Variants in KLF8 observed in about 807,000 individuals in gnomAD.
KLF8 encodes Krueppel-like factor 8.
A neutral mutation model predicts 18.2 loss-of-function variants in KLF8; 10 were observed. That is an observed-to-expected ratio of 0.55 (90% CI 0.34 to 0.93). The LOEUF (loss-of-function observed/expected upper bound fraction) is 0.93. KLF8 is among the 40% of genes least tolerant of loss of function. The probability of loss-of-function intolerance (pLI) is 0.02; values close to 1 mark genes in which losing one functional copy is unlikely to be tolerated. For missense variants in KLF8, 264 were observed against 277.9 expected, an observed-to-expected ratio of 0.95 and a Z score of 0.36; for synonymous variants, 109 against 97.3, an observed-to-expected ratio of 1.12 and a Z score of -0.71.
the KLF8 span, chrX:55,908,216 C>A: frequency 4.4e-6 from 1 of 225,979 alleles, no homozygotes; most frequent in Admixed American, 7.1e-5. Flanking sequence ...GCCCAGTATT[C>A]AAGCTCCAGG....
chrX:56,096,954 A>G, the KLF8 span, among the ~76,000 whole-genome samples: 1 of 111,516 alleles, frequency 9.0e-6, no homozygotes, highest in Admixed American at 9.6e-5. Flanking sequence ...TAAATTTTGT[A>G]AACTAGATAA....
the KLF8 span, among the ~76,000 whole-genome samples, chrX:56,106,305 G>A: frequency 8.9e-6 from 1 of 111,971 alleles, no homozygotes; most frequent in African/African-American, 3.2e-5. Context: ...ATATTCTGAA[G>A]AGTGTTTTCC....
chrX:56,180,888 G>T, the KLF8 span, among the ~76,000 whole-genome samples: 1 of 111,754 alleles, frequency 8.9e-6, no homozygotes, highest in South Asian at 3.7e-4. Flanking sequence ...CCAACTATGT[G>T]GTCAATTTTG....
chrX:56,152,649 G>A, the KLF8 span, among the ~76,000 whole-genome samples: 2 of 111,342 alleles, frequency 1.8e-5, no homozygotes, highest in Admixed American at 1.9e-4. Context: ...TTGGGTGGGG[G>A]TGAAGGTAGA....
chrX:56,155,516 A>G, the KLF8 span, among the ~76,000 whole-genome samples: 2 of 110,857 alleles, frequency 1.8e-5, no homozygotes, highest in Non-Finnish European at 3.8e-5. Flanking sequence ...ATGACGAGTT[A>G]ATGGGTGCAC....
the KLF8 span, among the ~76,000 whole-genome samples, chrX:56,104,429 C>T: frequency 9.0e-6 from 1 of 111,360 alleles, no homozygotes; most frequent in African/African-American, 3.3e-5. Context: ...CAGCTTCTTC[C>T]TGGTTTAGTC....
At chrX:56,181,277 G>A in the KLF8 span, among the ~76,000 whole-genome samples, 3 of 110,188 alleles carry the variant, frequency 2.7e-5, no homozygotes, top group South Asian at 1.2e-3. Context: ...CAGACACTAG[G>A]ATTGCAAGCC....
At chrX:56,227,841 T>C (rs979744096), upstream of KLF8, among the ~76,000 whole-genome samples, 2 of 103,548 alleles carry the variant, frequency 1.9e-5, no homozygotes, top group Admixed American at 2.1e-4. Flanking sequence ...AAAATGGAGT[T>C]AAAAACCCAT....
chrX:56,267,362 C>T (rs1326335314), intron 3 of KLF8: 2 of 170,136 alleles, frequency 1.2e-5, no homozygotes, highest in African/African-American at 3.1e-5. Context: ...GCACTTCTTA[C>T]ATGGTGGCAG....
At chrX:55,995,457 A>G in the KLF8 span, among the ~76,000 whole-genome samples, 3 of 112,307 alleles carry the variant, frequency 2.7e-5, no homozygotes, top group Middle Eastern at 4.6e-3. Context: ...ACTTGATTGT[A>G]TAGATGCTTT....
the KLF8 span, among the ~76,000 whole-genome samples, chrX:55,941,266 G>C: frequency 1.8e-5 from 2 of 111,960 alleles, no homozygotes; most frequent in African/African-American, 3.2e-5. Context: ...ACAAGTAATG[G>C]GGAAAGGATT....
the KLF8 span, among the ~76,000 whole-genome samples, chrX:56,217,551 A>T: frequency 9.1e-6 from 1 of 110,475 alleles, no homozygotes; most frequent in African/African-American, 3.3e-5. Context: ...AGTAGCTAGG[A>T]CTACAAGCTC....
At chrX:56,270,347 A>AAGAC in intron 5 of KLF8, 26 bp downstream of exon 5, 9 of 661,753 alleles carry the variant, frequency 1.4e-5, no homozygotes, top group Non-Finnish European at 1.8e-5. Flanking sequence ...TCTCACCCCC[A>AAGAC]ACACACACAC....
chrX:56,066,413 G>T, the KLF8 span, among the ~76,000 whole-genome samples: 1 of 112,221 alleles, frequency 8.9e-6, no homozygotes, highest in Non-Finnish European at 1.9e-5. Context: ...GTAGACAGGG[G>T]CCTGGATATG....
chrX:55,935,945 A>T, the KLF8 span, among the ~76,000 whole-genome samples: 1 of 112,276 alleles, frequency 8.9e-6, no homozygotes, highest in Admixed American at 9.4e-5. Context: ...CACTGGCTTG[A>T]AGCATATTTA....
chrX:56,139,169 G>A, the KLF8 span, among the ~76,000 whole-genome samples: 1 of 111,599 alleles, frequency 9.0e-6, no homozygotes, highest in South Asian at 3.8e-4. Context: ...ACAAACAAAT[G>A]GAAAAACATT....
the KLF8 span, among the ~76,000 whole-genome samples, chrX:55,919,583 G>GCTGGA: frequency 9.0e-6 from 1 of 111,066 alleles, no homozygotes; most frequent in Non-Finnish European, 1.9e-5. Context: ...TGAGAGCTGG[G>GCTGGA]TGAGGCCTGT....
At chrX:56,150,822 A>T in the KLF8 span, among the ~76,000 whole-genome samples, 2 of 111,621 alleles carry the variant, frequency 1.8e-5, no homozygotes, top group African/African-American at 6.5e-5. Context: ...TTTTATCTAC[A>T]TGGTTGCTGA....
At chrX:56,204,146 GT>G in the KLF8 span, among the ~76,000 whole-genome samples, 1 of 111,063 alleles carries the variant, frequency 9.0e-6, no homozygotes, top group Non-Finnish European at 1.9e-5. Context: ...CACTTCTTTG[GT>G]TAAGTTAATT....
Sources: allele counts gnomAD v4.1 joint callset (sites outside exome capture counted in the v4.1 genomes callset), GRCh38; gene constraint gnomAD v4.1.1; transcripts MANE v1.5; gene names NCBI Gene and HGNC (gene_info 2026-07-23, HGNC 2026-07-21).